The following NOX3 variants were observed in gnomAD, a reference collection of about 807,000 sequenced individuals.
The protein encoded by NOX3 is NADPH oxidase catalytic subunit-like 3.
In NOX3, 74 loss-of-function variants were observed where a neutral mutation model predicts 76.7. That is an observed-to-expected ratio of 0.96 (90% CI 0.80 to 1.17). The LOEUF (loss-of-function observed/expected upper bound fraction) is 1.17. NOX3 is among the 50% of genes most tolerant of loss of function. NOX3 has a pLI of 0.00. For missense variants in NOX3, 695 were observed against 703.3 expected (o/e 0.99, Z 0.13); for synonymous variants, 263 against 261.1 (o/e 1.01, Z -0.07).
chr6:155,400,555 A>C (rs1293094314), intron 12 of NOX3, among the ~76,000 whole-genome samples: 1 of 152,202 alleles, frequency 6.6e-6, no homozygotes, highest in African/African-American at 2.4e-5. Context: ...TTTCATTAGA[A>C]ATGCCTCCAA....
At chr6:155,411,126 A>C in intron 11 of NOX3, 88 bp downstream of exon 11, 1 of 996,578 alleles carries the variant, frequency 1.0e-6, no homozygotes, top group East Asian at 2.7e-5. Context: ...ATGCTATCAG[A>C]GTGCTACATA....
intron 7 of NOX3, 26 bp from the exon 8 acceptor site, chr6:155,430,961 G>A (rs1443903644): frequency 7.5e-6 from 10 of 1,329,880 alleles, no homozygotes; most frequent in Middle Eastern, 1.8e-4. Context: ...GAGAGAGAGA[G>A]AAAAAGGAAA....
intron 12 of NOX3, among the ~76,000 whole-genome samples, chr6:155,404,381 A>T (rs1345343148): frequency 6.6e-6 from 1 of 152,044 alleles, no homozygotes; most frequent in East Asian, 1.9e-4. Flanking sequence ...AGAAGCCAGG[A>T]TGGGTTGGAA....
At chr6:155,398,442 C>T (rs149499373) in intron 12 of NOX3, among the ~76,000 whole-genome samples, 1 of 152,274 alleles carries the variant, frequency 6.6e-6, no homozygotes, top group East Asian at 1.9e-4. Context: ...TGGTTCTCTG[C>T]CATGTGTCAT....
intron 6 of NOX3, 47 bp downstream of exon 6, chr6:155,439,909 G>T: frequency 6.5e-7 from 1 of 1,534,136 alleles, no homozygotes; most frequent in Non-Finnish European, 8.8e-7. Flanking sequence ...ATTATTTTGG[G>T]ACTCTCAGAG....
intron 4 of NOX3, among the ~76,000 whole-genome samples, chr6:155,451,929 C>T (rs996180639): frequency 2.0e-5 from 3 of 152,132 alleles, no homozygotes; most frequent in Non-Finnish European, 2.9e-5. Context: ...TGCCCGGCCT[C>T]TTTTCTGATG....
At chr6:155,444,609 A>T (rs541303597) in intron 4 of NOX3, among the ~76,000 whole-genome samples, 4 of 152,336 alleles carry the variant, frequency 2.6e-5, no homozygotes, top group Admixed American at 2.0e-4. Flanking sequence ...TTCTATCTGA[A>T]ATTGTGAAGA....
intron 1 of NOX3, among the ~76,000 whole-genome samples, 163 bp downstream of exon 1, chr6:155,455,590 A>G (rs527897095): frequency 1.3e-5 from 2 of 152,240 alleles, no homozygotes; most frequent in African/African-American, 4.8e-5. Context: ...GCATGATTCT[A>G]TAAGGGGAAA....
intron 10 of NOX3, among the ~76,000 whole-genome samples, chr6:155,415,723 G>T (rs1776614525): frequency 6.6e-6 from 1 of 152,200 alleles, no homozygotes. Flanking sequence ...ATGTAAAATG[G>T]CAATAAACAC....
intron 12 of NOX3, among the ~76,000 whole-genome samples, chr6:155,397,901 T>C (rs1329622792): frequency 2.6e-5 from 4 of 152,208 alleles, no homozygotes; most frequent in African/African-American, 9.7e-5. Context: ...AATCTTGACA[T>C]TTCAGAAAAC....
At chr6:155,413,808 C>T (rs1012658075) in intron 10 of NOX3, among the ~76,000 whole-genome samples, 14 of 152,128 alleles carry the variant, frequency 9.2e-5, no homozygotes, top group African/African-American at 3.4e-4. Context: ...TATTTTCTCT[C>T]TTTCCCATTC....
At chr6:155,414,496 C>T (rs966125578) in intron 10 of NOX3, among the ~76,000 whole-genome samples, 2 of 151,860 alleles carry the variant, frequency 1.3e-5, no homozygotes, top group Admixed American at 6.6e-5. Flanking sequence ...CCTGAGTTTA[C>T]TTTAAAAGAT....
At chr6:155,400,985 A>C (rs163003) in intron 12 of NOX3, among the ~76,000 whole-genome samples, 51,757 of 152,040 alleles carry the variant, frequency 0.34, 11,611 homozygotes, top group African/African-American at 0.64. Context: ...ATGAAAGCAG[A>C]TGACTTGTAG....
In NOX3 at chr6:155,422,830, G is replaced by C; in HGVS notation, c.1172C>G (p.Thr391Ser). 1 of 1,614,212 alleles carries C rather than the reference G, an allele frequency of 6.2e-7. No individual in the cohort carries two copies. The highest frequency in any genetic ancestry group is 8.5e-7 in the Non-Finnish European group (1 of 1,180,024). Reference protein sequence around the residue: ...PRLAVDGPFGTALTDVFHYPV... With the variant: ...PRLAVDGPFGSALTDVFHYPV... ...GTAGTGAAATACATCTGTCAGGGCAGTTCCAAAGGGCCCGTCCACTGCCAG... is the reference window on the plus strand; with the variant it reads ...GTAGTGAAATACATCTGTCAGGGCACTTCCAAAGGGCCCGTCCACTGCCAG... The change falls in exon 10 of 14, where the codon ACT becomes AGT. Residue 391 changes from threonine to serine, a missense_variant. Physicochemically the swap from Thr to Ser is moderately conservative, Grantham distance 58. Coordinates refer to ENST00000159060, the MANE Select transcript of NOX3 (RefSeq NM_015718.3).
chr6:155,433,539 T>C (rs943213453), intron 7 of NOX3, among the ~76,000 whole-genome samples: 10 of 152,242 alleles, frequency 6.6e-5, no homozygotes, highest in African/African-American at 2.4e-4. Flanking sequence ...TTTTGTAAAA[T>C]GGGAACTAGC....
intron 8 of NOX3, among the ~76,000 whole-genome samples, chr6:155,429,878 C>G (rs73792884): frequency 0.024 from 3,665 of 152,270 alleles, 104 homozygotes; most frequent in South Asian, 0.063. Flanking sequence ...TTCCCTCTCC[C>G]TACTGGTATC....
chr6:155,442,741 G>C (rs1002177306), intron 5 of NOX3, among the ~76,000 whole-genome samples: 9 of 152,210 alleles, frequency 5.9e-5, no homozygotes, highest in Non-Finnish European at 1.0e-4. Flanking sequence ...CATTAATGAT[G>C]TCACTGGCCA....
intron 5 of NOX3, 124 bp downstream of exon 5, chr6:155,443,149 A>G (rs1777016081): frequency 2.9e-6 from 3 of 1,050,118 alleles, no homozygotes; most frequent in African/African-American, 3.2e-5. Context: ...TTGAAAACAA[A>G]TTCACATATA....
chr6:155,401,008 G>A (rs1779218009), intron 12 of NOX3, among the ~76,000 whole-genome samples: 1 of 152,148 alleles, frequency 6.6e-6, no homozygotes, highest in South Asian at 2.1e-4. Flanking sequence ...TCCGATCCCA[G>A]GGAATGGTAG....
Sources: gnomAD v4.1 joint callset for allele counts (sites outside exome capture counted in the v4.1 genomes callset) on GRCh38, gnomAD v4.1.1 for gene constraint, MANE v1.5 for transcripts, NCBI Gene and HGNC (gene_info 2026-07-23, HGNC 2026-07-21) for gene names.